The following HSPBAP1 variants were observed in gnomAD, a reference collection of about 807,000 sequenced individuals.
HSPBAP1 encodes the protein HSPB1 associated protein 1, also known as HSPB1-associated protein 1.
A neutral mutation model predicts 45.2 loss-of-function variants in HSPBAP1; 27 were observed. That is an observed-to-expected ratio of 0.60 (90% CI 0.44 to 0.82). The LOEUF is 0.82. HSPBAP1 is among the 40% of genes least tolerant of loss of function. HSPBAP1 has a pLI of 0.00. For synonymous variants in HSPBAP1, 204 were observed against 202.7 expected, an observed-to-expected ratio of 1.01 and a Z score of -0.06; for missense variants, 510 against 590.9, an observed-to-expected ratio of 0.86 and a Z score of 1.42.
intron 6 of HSPBAP1, among the ~76,000 whole-genome samples, chr3:122,748,659 T>C (rs1327004781): frequency 6.6e-6 from 1 of 152,152 alleles, no homozygotes; most frequent in Non-Finnish European, 1.5e-5. Context: ...AATGGCACAA[T>C]CACAATGAAG....
At chr3:122,748,466 C>T (rs1243915758) in intron 6 of HSPBAP1, among the ~76,000 whole-genome samples, 1 of 151,628 alleles carries the variant, frequency 6.6e-6, no homozygotes, top group Non-Finnish European at 1.5e-5. Context: ...GATCGAAATG[C>T]AAAAAACATG....
At chr3:122,764,759 A>G (rs1429373735) in intron 3 of HSPBAP1, among the ~76,000 whole-genome samples, 1 of 152,260 alleles carries the variant, frequency 6.6e-6, no homozygotes, top group Non-Finnish European at 1.5e-5. Context: ...TCTCAGACTC[A>G]TTAGGTAAGA....
At chr3:122,768,949 T>TTA (rs1553754764) in intron 2 of HSPBAP1, 67 bp from the exon 3 acceptor site, 167 of 1,096,198 alleles carry the variant, frequency 1.5e-4, no homozygotes, top group Non-Finnish European at 1.9e-4. Flanking sequence ...GTTTTTTTTT[T>TTA]AAAATAAAGA....
intron 6 of HSPBAP1, among the ~76,000 whole-genome samples, chr3:122,747,091 G>A: frequency 6.6e-6 from 1 of 152,114 alleles, no homozygotes; most frequent in Non-Finnish European, 1.5e-5. Context: ...TGGGAAGTGA[G>A]GAGCATCTCT....
intron 6 of HSPBAP1, among the ~76,000 whole-genome samples, chr3:122,752,078 A>C (rs1455306487): frequency 6.6e-6 from 1 of 152,262 alleles, no homozygotes; most frequent in Non-Finnish European, 1.5e-5. Flanking sequence ...GCAGGCAACC[A>C]GGATTAAGCT....
chr3:122,763,877 G>A (rs943428466), intron 3 of HSPBAP1, among the ~76,000 whole-genome samples: 5 of 152,172 alleles, frequency 3.3e-5, no homozygotes, highest in Non-Finnish European at 5.9e-5. Context: ...GGCTGATGCC[G>A]CCTGTCTGCT....
intron 1 of HSPBAP1, among the ~76,000 whole-genome samples, chr3:122,789,969 T>G (rs1364585721): frequency 6.6e-6 from 1 of 151,710 alleles, no homozygotes; most frequent in African/African-American, 2.4e-5. Flanking sequence ...TTCAAACGAT[T>G]CTTGTGCCTC....
intron 1 of HSPBAP1, among the ~76,000 whole-genome samples, chr3:122,789,965 C>T (rs377567033): frequency 7.6e-4 from 114 of 150,434 alleles, no homozygotes; most frequent in African/African-American, 2.6e-3. Context: ...CAGGTTCAAA[C>T]GATTCTTGTG....
intron 1 of HSPBAP1, among the ~76,000 whole-genome samples, chr3:122,782,712 CT>C (rs1459880924): frequency 3.9e-5 from 6 of 152,134 alleles, no homozygotes; most frequent in Non-Finnish European, 7.4e-5. Context: ...ATTTTAGTTA[CT>C]TTATCTATAA....
chr3:122,759,295 GC>G lies in HSPBAP1; in HGVS notation c.497del (p.Gly166AlafsTer62). 6.2e-7 allele frequency: 1 copy of G among 1,613,984 alleles called. No individual in the cohort carries two copies. Reference protein sequence around the residue: ...RNGQESTLWIGSLGAHTPCHL... With the variant: ...RNGQESTLWIXSLGAHTPCHL... ...GACAGGGTGTGTGGGCTCCCAAGGA[GC>G]CAATCCACAATGTACTTTCCTGTCC... On this transcript the variant is annotated frameshift_variant, in exon 4 of 8. Transcript: ENST00000306103. LOFTEE classifies it high-confidence loss of function.
chr3:122,761,014 C>T (rs1383422664), intron 3 of HSPBAP1, among the ~76,000 whole-genome samples: 1 of 152,112 alleles, frequency 6.6e-6, no homozygotes, highest in East Asian at 1.9e-4. Context: ...CGCTCTGACA[C>T]AAGTATGCAG....
chr3:122,751,811 C>T (rs1230555047), intron 6 of HSPBAP1, among the ~76,000 whole-genome samples: 1 of 152,216 alleles, frequency 6.6e-6, no homozygotes, highest in Non-Finnish European at 1.5e-5. Context: ...TAAGCCCACA[C>T]AACATAGCTT....
At chr3:122,763,083 T>A (rs185040884) in intron 3 of HSPBAP1, among the ~76,000 whole-genome samples, 16 of 152,362 alleles carry the variant, frequency 1.1e-4, no homozygotes, top group African/African-American at 3.8e-4. Flanking sequence ...CTTGGTGAAG[T>A]GACCTTTTAT....
intron 5 of HSPBAP1, chr3:122,753,049 T>G (rs1934215948): frequency 4.4e-6 from 4 of 901,556 alleles, no homozygotes; most frequent in Non-Finnish European, 5.3e-6. Flanking sequence ...GTGGCTTCTG[T>G]TTTCTCACAG....
intron 2 of HSPBAP1, among the ~76,000 whole-genome samples, chr3:122,769,400 C>A (rs1288914289): frequency 6.6e-6 from 1 of 152,144 alleles, no homozygotes; most frequent in Admixed American, 6.5e-5. Flanking sequence ...ATCAGGAAAG[C>A]TTCAATAAAA....
rs750853834 is a variant in HSPBAP1 at position 122,740,358 on chromosome 3, C to T, written c.1454G>A (p.Gly485Glu). The T allele has an allele frequency of 1.9e-6, 3 of 1,599,306 alleles. No homozygotes were observed. The highest frequency in any genetic ancestry group is 2.6e-6 in the Non-Finnish European group (3 of 1,168,972). ...TRIVAQLLIQGRSL is the reference protein window; with the variant it reads ...TRIVAQLLIQERSL ...CTTCCACTTGAATCATAAACTTCTT[C>T]CTTGTATCAAAAGTTGTGCCACTAT... is the stretch of plus-strand genomic sequence containing the variant. The change falls in exon 8 of 8, where the codon GGA (glycine) becomes GAA (glutamate). Residue 485 changes from glycine to glutamate, a missense_variant. Gly to Glu is a moderately conservative substitution (Grantham distance 98, BLOSUM62 -2). Coordinates refer to ENST00000306103, the MANE Select transcript of HSPBAP1 (RefSeq NM_024610.6).
chr3:122,780,872 A>C (rs1935433824), intron 1 of HSPBAP1, among the ~76,000 whole-genome samples: 1 of 119,530 alleles, frequency 8.4e-6, no homozygotes, highest in East Asian at 2.4e-4. Flanking sequence ...CTCACCTCCC[A>C]GACGGGGTCG....
At chr3:122,741,957 G>A (rs1235031186) in intron 6 of HSPBAP1, among the ~76,000 whole-genome samples, 1 of 151,884 alleles carries the variant, frequency 6.6e-6, no homozygotes, top group African/African-American at 2.4e-5. Flanking sequence ...AAACATGGGT[G>A]GCATTATCTC....
intron 1 of HSPBAP1, among the ~76,000 whole-genome samples, chr3:122,792,022 G>A (rs956897251): frequency 6.6e-6 from 1 of 152,094 alleles, no homozygotes; most frequent in Admixed American, 6.5e-5. Context: ...ATAGTGAAAG[G>A]AAAAAAGTAG....
Sources: allele counts gnomAD v4.1 joint callset (sites outside exome capture counted in the v4.1 genomes callset), GRCh38; gene constraint gnomAD v4.1.1; transcripts MANE v1.5; gene names NCBI Gene and HGNC (gene_info 2026-07-23, HGNC 2026-07-21).